Variants in PRKCA observed in about 807,000 individuals in gnomAD.
PRKCA encodes the protein protein kinase C alpha type.
In PRKCA, 27 loss-of-function variants were observed where a neutral mutation model predicts 87.0. The observed-to-expected ratio is 0.31, with a 90% CI of 0.23 to 0.43. PRKCA has a LOEUF of 0.43. Among genes scored for constraint, PRKCA ranks in the 20% least tolerant of loss-of-function variants. The pLI, the probability that PRKCA is intolerant of heterozygous loss-of-function variation, is 1.00. For missense variants in PRKCA, 518 were observed against 852.3 expected (o/e 0.61, Z 4.88); for synonymous variants, 329 against 311.1 (o/e 1.06, Z -0.61).
intron 16 of PRKCA, among the ~76,000 whole-genome samples, 199 bp downstream of exon 16, chr17:66,789,178 C>T (rs1055829301): frequency 7.2e-5 from 11 of 152,194 alleles, no homozygotes; most frequent in African/African-American, 1.9e-4. Context: ...GAGTAAGGAC[C>T]GATAAGGCAG....
chr17:66,629,966 G>A (rs1055809267), intron 3 of PRKCA, among the ~76,000 whole-genome samples: 1 of 152,164 alleles, frequency 6.6e-6, no homozygotes, highest in Non-Finnish European at 1.5e-5. Flanking sequence ...GTATAATGCT[G>A]TTATTTGAGT....
intron 5 of PRKCA, among the ~76,000 whole-genome samples, chr17:66,650,467 A>G (rs1298414549): frequency 6.6e-6 from 1 of 152,110 alleles, no homozygotes; most frequent in East Asian, 1.9e-4. Context: ...ATGGGAACCA[A>G]TTTTCAATTT....
At chr17:66,596,485 C>T (rs916257131) in intron 3 of PRKCA, among the ~76,000 whole-genome samples, 2 of 149,992 alleles carry the variant, frequency 1.3e-5, no homozygotes, top group African/African-American at 2.5e-5. Context: ...TGATCAGTAT[C>T]TTCTTCAGTG....
chr17:66,424,323 C>T (rs1233343600), intron 2 of PRKCA, among the ~76,000 whole-genome samples: 1 of 152,054 alleles, frequency 6.6e-6, no homozygotes, highest in Non-Finnish European at 1.5e-5. Context: ...CCTGTAATCC[C>T]AGCACTTTGG....
At chr17:66,370,184 A>T (rs1221947321) in intron 2 of PRKCA, among the ~76,000 whole-genome samples, 1 of 151,764 alleles carries the variant, frequency 6.6e-6, no homozygotes, top group Non-Finnish European at 1.5e-5. Context: ...AGTGGCACAG[A>T]CATAATTATA....
At chr17:66,533,923 C>CT (rs1322133463) in intron 3 of PRKCA, among the ~76,000 whole-genome samples, 1 of 152,278 alleles carries the variant, frequency 6.6e-6, no homozygotes, top group African/African-American at 2.4e-5. Flanking sequence ...TCAGCCCCTC[C>CT]TTTTGTTCGT....
intron 3 of PRKCA, among the ~76,000 whole-genome samples, chr17:66,515,160 G>A (rs1048504222): frequency 6.6e-6 from 1 of 151,658 alleles, no homozygotes; most frequent in Non-Finnish European, 1.5e-5. Context: ...GGAGGCTGAA[G>A]CAGGAGAATC....
chr17:66,397,677 G>T (rs1248275201), intron 2 of PRKCA, among the ~76,000 whole-genome samples: 1 of 151,916 alleles, frequency 6.6e-6, no homozygotes, highest in East Asian at 1.9e-4. Context: ...TTACACAGAA[G>T]ACTTGAATAC....
chr17:66,670,184 T>G (rs181756510), intron 5 of PRKCA, among the ~76,000 whole-genome samples: 1 of 152,198 alleles, frequency 6.6e-6, no homozygotes, highest in Admixed American at 6.5e-5. Flanking sequence ...TTCTTGAAAA[T>G]TATTTAAAGG....
At position 66,347,941 on chromosome 17, in the gene PRKCA, C is replaced by CTT. The variant is rs57292153; in HGVS notation, c.205+41832_205+41833dup. ...AGAATATTTACTCAGAATTCTGAAC[C>CTT]TTTTTTTTTTTTTTTTTTTGAGACA... On this transcript the variant is annotated intron_variant, in intron 2 of 16. Transcript: ENST00000413366. Among the ~76,000 whole-genome samples, 81 of 56,450 alleles carry CTT rather than the reference C, an allele frequency of 1.4e-3. 7 individuals carry two copies. The highest frequency in any genetic ancestry group is 6.0e-3 in the South Asian group (6 of 1,004). 37.0% of individuals were successfully genotyped at this position (56,450 alleles called of 152,430 possible). A position where few individuals can be genotyped will look rare whatever the true frequency, so the allele number is the denominator to read the frequency against.
chr17:66,317,483 T>C (rs56098554), intron 2 of PRKCA, among the ~76,000 whole-genome samples: 147,340 of 152,314 alleles, frequency 0.97, 71,273 homozygotes, highest in East Asian at 1. Flanking sequence ...AGGCTGCCCT[T>C]GTGTGTGACT....
rs765187703 is a variant in PRKCA at position 66,714,530 on chromosome 17, G to A, written c.919-18158G>A. Reference sequence around the variant, plus strand: ...AGAGGTCTCACTGTTCCACCCCCTCGTCTCTTCCCCCTTCCTGGAATGGAA... The same window carrying A: ...AGAGGTCTCACTGTTCCACCCCCTCATCTCTTCCCCCTTCCTGGAATGGAA... On this transcript the variant is annotated intron_variant, in intron 8 of 16. Coordinates refer to ENST00000413366, the MANE Select transcript of PRKCA (RefSeq NM_002737.3). Among the ~76,000 whole-genome samples the A allele has an allele frequency of 1.4e-4, 22 of 151,906 alleles. 1 individual carries two copies. Among genetic ancestry groups the A allele is most frequent in the South Asian group, 1.0e-3 (5 of 4,800 alleles).
intron 11 of PRKCA, among the ~76,000 whole-genome samples, chr17:66,741,442 G>A (rs1974156810): frequency 6.6e-6 from 1 of 152,206 alleles, no homozygotes; most frequent in Non-Finnish European, 1.5e-5. Flanking sequence ...AGAATAAGAA[G>A]CCGGTTTCAT....
intron 2 of PRKCA, among the ~76,000 whole-genome samples, chr17:66,309,310 G>C (rs918335534): frequency 2.0e-5 from 3 of 152,152 alleles, no homozygotes; most frequent in Admixed American, 2.0e-4. Flanking sequence ...ATGCCATTTA[G>C]AGAATGGCAT....
chr17:66,804,948 G>T lies in PRKCA; in HGVS notation c.*911G>T. ...ACACCAACATTTTGCTGCCTACCTT[G>T]TTATCCTTCTCAAGAAGCTGAAGTG... On this transcript the variant is annotated 3_prime_UTR_variant, in exon 17 of 17. Coordinates refer to ENST00000413366, the MANE Select transcript of PRKCA (RefSeq NM_002737.3). 3.1e-6 allele frequency: 3 copies of T among 974,918 alleles called. No homozygotes were observed. The highest frequency in any genetic ancestry group is 3.7e-6 in the Non-Finnish European group (3 of 820,154). The allele number at this position is 974,918 out of a possible 1,614,324, so 60.4% of individuals were successfully genotyped here.
chr17:66,458,260 C>A (rs965643527), intron 2 of PRKCA, among the ~76,000 whole-genome samples: 53 of 152,136 alleles, frequency 3.5e-4, no homozygotes, highest in African/African-American at 1.2e-3. Context: ...CTTGTAGTTG[C>A]TATGTCAATT....
chr17:66,556,323 C>CCT, intron 3 of PRKCA, among the ~76,000 whole-genome samples: 1 of 128,978 alleles, frequency 7.8e-6, no homozygotes, highest in South Asian at 2.5e-4. Context: ...CTTTCTTCTT[C>CCT]TTTTTTTTTT....
chr17:66,731,775 CTTTTTTTTTTTTTTTT>C (rs796884841), intron 8 of PRKCA, among the ~76,000 whole-genome samples: 1 of 71,420 alleles, frequency 1.4e-5, no homozygotes, highest in Non-Finnish European at 2.6e-5. Context: ...TGCTCCCTTT[CTTTTTTTTTTTTTTTT>C]TTTTTTTTTT....
In PRKCA at chr17:66,449,763, C is replaced by T. The variant is rs576508881; in HGVS notation, c.206-46438C>T. On this transcript the variant is annotated intron_variant, in intron 2 of 16. Coordinates refer to ENST00000413366, the MANE Select transcript of PRKCA (RefSeq NM_002737.3). ...ATTGTTTTTGGGTGTGCACCTGCAG[C>T]GCCTGTGTAAAGGTGGAGACAGTGG... Among the ~76,000 whole-genome samples the T allele has an allele frequency of 3.9e-5, 6 of 152,230 alleles. No homozygotes were observed. The South Asian group carries it at 8.3e-4, about 21-fold the overall frequency.
Sources: gnomAD v4.1 joint callset for allele counts (sites outside exome capture counted in the v4.1 genomes callset) on GRCh38, gnomAD v4.1.1 for gene constraint, MANE v1.5 for transcripts, NCBI Gene and HGNC (gene_info 2026-07-23, HGNC 2026-07-21) for gene names.